ZNF892: variants seen among roughly 807,000 people sequenced by gnomAD.
ZNF892 encodes zinc finger protein 570-like.
At chr2:95,243,190 C>T in the ZNF892 span, among the ~76,000 whole-genome samples, 8 of 152,218 alleles carry the variant, frequency 5.3e-5, no homozygotes, top group Non-Finnish European at 7.4e-5. Context: ...GGCGTGATCT[C>T]GGCTCGCTAC....
chr2:95,251,172 T>C, the ZNF892 span, among the ~76,000 whole-genome samples: 1 of 152,120 alleles, frequency 6.6e-6, no homozygotes. Context: ...TATGTAGATA[T>C]GAACATACAA....
chr2:95,214,416 A>G, the ZNF892 span: 1 of 398,552 alleles, frequency 2.5e-6, no homozygotes, highest in Non-Finnish European at 4.4e-6. Context: ...TGGGGTGTTA[A>G]TTGTAAGATT....
chr2:95,255,843 T>A, the ZNF892 span, among the ~76,000 whole-genome samples: 1 of 152,248 alleles, frequency 6.6e-6, no homozygotes, highest in African/African-American at 2.4e-5. Context: ...ATGGCCTCCT[T>A]TGTCTCTTTT....
chr2:95,227,226 T>G, the ZNF892 span, among the ~76,000 whole-genome samples: 1 of 152,002 alleles, frequency 6.6e-6, no homozygotes, highest in Non-Finnish European at 1.5e-5. Flanking sequence ...CATGTTTTCC[T>G]TTTGCTGAAC....
the ZNF892 span, among the ~76,000 whole-genome samples, chr2:95,233,614 A>T: frequency 7.9e-6 from 1 of 126,872 alleles, no homozygotes; most frequent in Non-Finnish European, 1.6e-5. Context: ...CGGAGCTTGC[A>T]GTGAGCTGAG....
At chr2:95,260,966 CTT>C in the ZNF892 span, among the ~76,000 whole-genome samples, 1 of 152,184 alleles carries the variant, frequency 6.6e-6, no homozygotes, top group Admixed American at 6.5e-5. Context: ...GTGGTTCTCT[CTT>C]AGTGTGCAGT....
At chr2:95,218,491 C>T in the ZNF892 span, among the ~76,000 whole-genome samples, 4 of 152,182 alleles carry the variant, frequency 2.6e-5, no homozygotes, top group Non-Finnish European at 4.4e-5. Flanking sequence ...TACCTCATTG[C>T]CATCTGAGAC....
the ZNF892 span, among the ~76,000 whole-genome samples, chr2:95,218,626 C>T: frequency 3.3e-5 from 5 of 152,170 alleles, no homozygotes; most frequent in Non-Finnish European, 4.4e-5. Context: ...GCAGCATCCC[C>T]CTTCTGGGTA....
the ZNF892 span, among the ~76,000 whole-genome samples, chr2:95,225,009 C>T: frequency 6.6e-6 from 1 of 152,170 alleles, no homozygotes; most frequent in Non-Finnish European, 1.5e-5. Flanking sequence ...TCCTAGGCTC[C>T]AGAACGGTGA....
At chr2:95,238,505 C>A in the ZNF892 span, among the ~76,000 whole-genome samples, 1 of 152,206 alleles carries the variant, frequency 6.6e-6, no homozygotes, top group Non-Finnish European at 1.5e-5. Flanking sequence ...TATTTTCATG[C>A]CTGCAAATAC....
chr2:95,243,351 GT>G, the ZNF892 span, among the ~76,000 whole-genome samples: 1 of 148,594 alleles, frequency 6.7e-6, no homozygotes, highest in South Asian at 2.2e-4. Context: ...TGGCTGCCCA[GT>G]CTGGAAAGTG....
At chr2:95,215,844 T>A in the ZNF892 span, among the ~76,000 whole-genome samples, 2 of 152,196 alleles carry the variant, frequency 1.3e-5, no homozygotes, top group East Asian at 3.8e-4. Flanking sequence ...CCCTAACGTG[T>A]ATGTAAATTG....
At chr2:95,245,279 C>A in the ZNF892 span, among the ~76,000 whole-genome samples, 52 of 119,710 alleles carry the variant, frequency 4.3e-4, no homozygotes, top group Non-Finnish European at 6.8e-4. Context: ...GAGACAGAGT[C>A]TCACTTTGTT....
the ZNF892 span, among the ~76,000 whole-genome samples, chr2:95,220,541 A>C: frequency 6.6e-6 from 1 of 152,078 alleles, no homozygotes; most frequent in Non-Finnish European, 1.5e-5. Flanking sequence ...CTTTGTATAT[A>C]ATATCCCGGA....
the ZNF892 span, among the ~76,000 whole-genome samples, chr2:95,247,500 T>C: frequency 2.0e-5 from 3 of 152,122 alleles, no homozygotes; most frequent in Non-Finnish European, 4.4e-5. Context: ...AAGCAAAACT[T>C]GACAAGTGGG....
chr2:95,262,340 T>C, the ZNF892 span, among the ~76,000 whole-genome samples: 1 of 152,152 alleles, frequency 6.6e-6, no homozygotes, highest in Admixed American at 6.5e-5. Context: ...CCACACAGTG[T>C]CTACACTCCC....
chr2:95,214,858 A>G, the ZNF892 span: 4 of 503,736 alleles, frequency 7.9e-6, no homozygotes, highest in Non-Finnish European at 1.4e-5. Flanking sequence ...ACTGGGGAGA[A>G]ACCCTATGAA....
the ZNF892 span, among the ~76,000 whole-genome samples, chr2:95,227,864 C>A: frequency 1.3e-5 from 2 of 152,160 alleles, no homozygotes; most frequent in Non-Finnish European, 2.9e-5. Flanking sequence ...GCCATCCTGC[C>A]AAAGTGCTGG....
the ZNF892 span, among the ~76,000 whole-genome samples, chr2:95,256,906 C>T: frequency 6.6e-6 from 1 of 152,222 alleles, no homozygotes; most frequent in South Asian, 2.1e-4. Flanking sequence ...GTTCTTGTGC[C>T]GTGGTTTTCA....
Sources: gnomAD v4.1 joint callset for allele counts (sites outside exome capture counted in the v4.1 genomes callset) on GRCh38, gnomAD v4.1.1 for gene constraint, MANE v1.5 for transcripts, NCBI Gene and HGNC (gene_info 2026-07-23, HGNC 2026-07-21) for gene names.